PTPRN2: variants seen among roughly 807,000 people sequenced by gnomAD.
PTPRN2 encodes protein tyrosine phosphatase receptor type N2.
In PTPRN2, 74 loss-of-function variants were observed where a neutral mutation model predicts 118.8. The observed-to-expected ratio is 0.62, with a 90% CI of 0.52 to 0.76. The LOEUF (loss-of-function observed/expected upper bound fraction) is 0.76, where lower values mean the gene tolerates loss of function less well. Among genes scored for constraint, PTPRN2 ranks in the 30% least tolerant of loss-of-function variants. The pLI is 0.00. For missense variants in PTPRN2, 1,481 were observed against 1,394.4 expected (o/e 1.06, Z -0.99); for synonymous variants, 641 against 608.0 (o/e 1.05, Z -0.80).
intron 2 of PTPRN2, among the ~76,000 whole-genome samples, chr7:158,466,752 G>A (rs768061914): frequency 3.3e-5 from 5 of 152,128 alleles, no homozygotes; most frequent in Non-Finnish European, 5.9e-5. Flanking sequence ...TAAACAGTGT[G>A]CAAGTTGGCC....
chr7:158,112,439 G>A (rs1816361290), intron 9 of PTPRN2, among the ~76,000 whole-genome samples: 1 of 152,222 alleles, frequency 6.6e-6, no homozygotes, highest in Non-Finnish European at 1.5e-5. Context: ...GACATGGCCT[G>A]GAGACGAGTG....
At chr7:158,508,161 AGGCAGGTG>A (rs748271586) in intron 1 of PTPRN2, among the ~76,000 whole-genome samples, 44 of 148,958 alleles carry the variant, frequency 3.0e-4, no homozygotes, top group Non-Finnish European at 3.9e-4. Context: ...GGTGGGCAGA[AGGCAGGTG>A]GGCAGGCGGC....
intron 10 of PTPRN2, among the ~76,000 whole-genome samples, chr7:158,104,329 G>A (rs1815488362): frequency 6.6e-6 from 1 of 152,170 alleles, no homozygotes; most frequent in Admixed American, 6.5e-5. Context: ...AGACTCCTGA[G>A]AAAGGCCCTG....
chr7:158,380,866 A>G (rs1216903937), intron 2 of PTPRN2, among the ~76,000 whole-genome samples: 2 of 152,214 alleles, frequency 1.3e-5, no homozygotes, highest in Non-Finnish European at 2.9e-5. Flanking sequence ...CCAGTACTTG[A>G]CTTCTGTGCA....
chr7:157,594,658 C>T (rs943372774), intron 17 of PTPRN2, among the ~76,000 whole-genome samples: 139 of 152,360 alleles, frequency 9.1e-4, no homozygotes, highest in African/African-American at 3.3e-3. Context: ...CATTCCTATT[C>T]AGCTTTGTCA....
chr7:158,412,547 A>G (rs1814223508), intron 2 of PTPRN2, among the ~76,000 whole-genome samples: 1 of 107,572 alleles, frequency 9.3e-6, no homozygotes, highest in African/African-American at 3.9e-5. Flanking sequence ...GGCCCATCTC[A>G]GCACCCTCCT....
intron 11 of PTPRN2, among the ~76,000 whole-genome samples, chr7:158,059,479 T>A (rs1337202205): frequency 8.7e-6 from 1 of 114,718 alleles, no homozygotes; most frequent in Non-Finnish European, 1.7e-5. Context: ...CAGTGACACA[T>A]CACTGCAGCC....
chr7:158,071,748 A>AGGTGCTCG (rs1563393267), intron 11 of PTPRN2, among the ~76,000 whole-genome samples: 9 of 27,172 alleles, frequency 3.3e-4, no homozygotes, highest in African/African-American at 1.3e-3. Context: ...GGAGGTGCTC[A>AGGTGCTCG]TGGTGGAGGT....
chr7:158,009,575 A>G (rs1042937577), intron 11 of PTPRN2, among the ~76,000 whole-genome samples: 1 of 152,200 alleles, frequency 6.6e-6, no homozygotes, highest in Non-Finnish European at 1.5e-5. Context: ...GATAATCTTA[A>G]TCAAAAATCT....
At chr7:157,722,767 G>A (rs1349376781) in intron 12 of PTPRN2, among the ~76,000 whole-genome samples, 1 of 152,112 alleles carries the variant, frequency 6.6e-6, no homozygotes, top group African/African-American at 2.4e-5. Context: ...AGGGCAGCAG[G>A]GGCCCAGTCT....
intron 11 of PTPRN2, among the ~76,000 whole-genome samples, chr7:157,927,348 CTGAGAGCAGAGACCTCACGTG>C (rs1419663565): frequency 0.036 from 3,544 of 97,436 alleles, 823 homozygotes; most frequent in East Asian, 0.061. Flanking sequence ...AGGGACCCGT[CTGAGAGCAGAGACCTCACGTG>C]TGCTGGGACC....
At chr7:158,331,024 C>A in intron 2 of PTPRN2, among the ~76,000 whole-genome samples, 1 of 141,482 alleles carries the variant, frequency 7.1e-6, no homozygotes, top group Non-Finnish European at 1.5e-5. Context: ...CTCACATCCA[C>A]ACTCTCACCA....
chr7:157,778,101 G>A lies in PTPRN2; in HGVS notation c.1789-95164C>T, dbSNP rs182778885. Among the ~76,000 whole-genome samples the A allele has an allele frequency of 3.9e-5, 6 of 152,244 alleles. 1 individual carries two copies. In the South Asian group the frequency reaches 1.0e-3, roughly 26 times the overall value. ...CTAAAGTGAGCACAGCAAACTCCGCGGTGACACCAGAGCTCCAAGAACACA... is the reference window on the plus strand; with the variant it reads ...CTAAAGTGAGCACAGCAAACTCCGCAGTGACACCAGAGCTCCAAGAACACA... On this transcript the variant is annotated intron_variant, in intron 12 of 22. Transcript: ENST00000389418.
intron 11 of PTPRN2, among the ~76,000 whole-genome samples, chr7:158,049,312 C>T (rs1056167581): frequency 6.6e-6 from 1 of 152,224 alleles, no homozygotes; most frequent in Non-Finnish European, 1.5e-5. Context: ...GCCATCTCCA[C>T]TCCCGATTCT....
intron 2 of PTPRN2, among the ~76,000 whole-genome samples, chr7:158,332,984 C>A: frequency 7.0e-6 from 1 of 142,534 alleles, no homozygotes; most frequent in Non-Finnish European, 1.5e-5. Flanking sequence ...GTGACACCTG[C>A]AGACGTCACT....
chr7:157,918,598 C>T (rs79232076), intron 11 of PTPRN2, among the ~76,000 whole-genome samples: 5,001 of 152,126 alleles, frequency 0.033, 273 homozygotes, highest in African/African-American at 0.11. Context: ...CAAACTGACG[C>T]GGCCGGGAAA....
intron 12 of PTPRN2, among the ~76,000 whole-genome samples, chr7:157,837,278 C>A: frequency 6.6e-6 from 1 of 151,718 alleles, no homozygotes; most frequent in East Asian, 1.9e-4. Context: ...CCCACCCATC[C>A]ACTCACCACC....
intron 11 of PTPRN2, among the ~76,000 whole-genome samples, chr7:158,004,996 C>T (rs1037981296): frequency 1.3e-5 from 2 of 151,934 alleles, no homozygotes; most frequent in Non-Finnish European, 2.9e-5. Flanking sequence ...CCCCTTTCCT[C>T]ACAAGCCTCA....
chr7:157,720,732 C>T (rs1206285898), intron 12 of PTPRN2, among the ~76,000 whole-genome samples: 4 of 152,222 alleles, frequency 2.6e-5, no homozygotes, highest in African/African-American at 9.6e-5. Context: ...GCGTGCCTCA[C>T]TCTTTATAAT....
Sources: gnomAD v4.1 joint callset for allele counts (sites outside exome capture counted in the v4.1 genomes callset) on GRCh38, gnomAD v4.1.1 for gene constraint, MANE v1.5 for transcripts, NCBI Gene and HGNC (gene_info 2026-07-23, HGNC 2026-07-21) for gene names.